Variants in SLC35F3 observed in about 807,000 individuals in gnomAD.
SLC35F3 encodes putative thiamine transporter SLC35F3.
In SLC35F3, 25 loss-of-function variants were observed where a neutral mutation model predicts 49.9. That is an observed-to-expected ratio of 0.50 (90% CI 0.37 to 0.70). The LOEUF (loss-of-function observed/expected upper bound fraction) is 0.70. SLC35F3 is among the 30% of genes least tolerant of loss of function. The probability of loss-of-function intolerance (pLI) is 0.00; values close to 1 mark genes in which losing one functional copy is unlikely to be tolerated. For missense variants in SLC35F3, 525 were observed against 639.8 expected (o/e 0.82, Z 1.94); for synonymous variants, 275 against 265.4 (o/e 1.04, Z -0.35).
At chr1:234,114,460 G>A (rs374176835) in intron 2 of SLC35F3, among the ~76,000 whole-genome samples, 1 of 152,150 alleles carries the variant, frequency 6.6e-6, no homozygotes, top group African/African-American at 2.4e-5. Context: ...TTTATGAAAG[G>A]TTCTATTTTA....
chr1:233,973,980 T>C (rs1340207045), intron 2 of SLC35F3, among the ~76,000 whole-genome samples: 1 of 152,164 alleles, frequency 6.6e-6, no homozygotes, highest in Non-Finnish European at 1.5e-5. Context: ...ACCTTCATAC[T>C]GATTTTTGAT....
chr1:234,098,486 G>A (rs1665161980), intron 2 of SLC35F3, among the ~76,000 whole-genome samples: 1 of 151,168 alleles, frequency 6.6e-6, no homozygotes. Context: ...GGTGGTGACT[G>A]TTGGTGGTGG....
At chr1:234,120,681 G>GAC (rs1665556997) in intron 2 of SLC35F3, among the ~76,000 whole-genome samples, 1 of 152,230 alleles carries the variant, frequency 6.6e-6, no homozygotes. Flanking sequence ...TGAAGCTCAA[G>GAC]ACAGCCCTTG....
In SLC35F3 at chr1:234,234,426, C is replaced by T. The variant is rs375589056; in HGVS notation, c.608+2685C>T. ...CAGCACAGAGCTCCGCAACCTGCAA[C>T]GCCCTGTGAGGCTCCCTGGGGTCTT... On this transcript the variant is annotated intron_variant, in intron 3 of 7. Transcript: ENST00000366618. 7.9e-5 allele frequency among the ~76,000 whole-genome samples: 12 copies of T among 152,328 alleles called. No individual in the cohort carries two copies. The South Asian group carries it at 2.1e-3, about 26-fold the overall frequency.
intron 2 of SLC35F3, among the ~76,000 whole-genome samples, chr1:233,968,268 C>T (rs1662932391): frequency 6.6e-6 from 1 of 152,106 alleles, no homozygotes; most frequent in South Asian, 2.1e-4. Context: ...CTTATAAGGA[C>T]ACAAATCATT....
chr1:234,294,836 T>C (rs905475597), intron 3 of SLC35F3, among the ~76,000 whole-genome samples: 1 of 152,012 alleles, frequency 6.6e-6, no homozygotes, highest in Admixed American at 6.6e-5. Context: ...ACAGTCATGA[T>C]AGAGCTCTGT....
intron 3 of SLC35F3, among the ~76,000 whole-genome samples, chr1:234,237,182 G>A (rs1489287507): frequency 3.3e-5 from 5 of 151,698 alleles, no homozygotes; most frequent in Non-Finnish European, 5.9e-5. Flanking sequence ...AGGATTCATG[G>A]TACTAATTAT....
intron 3 of SLC35F3, among the ~76,000 whole-genome samples, chr1:234,296,820 C>T (rs918413905): frequency 3.3e-5 from 5 of 152,230 alleles, no homozygotes; most frequent in African/African-American, 1.2e-4. Context: ...CTGTGCTTCT[C>T]CACGTTCCCT....
chr1:234,288,332 TG>T (rs1213962365), intron 3 of SLC35F3, among the ~76,000 whole-genome samples: 1 of 152,328 alleles, frequency 6.6e-6, no homozygotes. Flanking sequence ...GAAATTGACA[TG>T]GCTGAATTCA....
chr1:234,083,196 G>T (rs1484884255), intron 2 of SLC35F3, among the ~76,000 whole-genome samples: 3 of 152,156 alleles, frequency 2.0e-5, no homozygotes, highest in Admixed American at 6.5e-5. Flanking sequence ...AACTATACTG[G>T]CAGCTAACTC....
intron 2 of SLC35F3, among the ~76,000 whole-genome samples, chr1:233,953,387 G>C (rs1213049666): frequency 6.6e-6 from 1 of 152,158 alleles, no homozygotes; most frequent in Non-Finnish European, 1.5e-5. Context: ...TGATATTTTT[G>C]ATAAAATAAA....
intron 2 of SLC35F3, among the ~76,000 whole-genome samples, chr1:233,943,910 G>A (rs1662471631): frequency 6.6e-6 from 1 of 152,114 alleles, no homozygotes; most frequent in African/African-American, 2.4e-5. Flanking sequence ...TCCTTACATG[G>A]AAATTGAATA....
rs34510298 is a variant in SLC35F3 at position 234,099,607 on chromosome 1, T to TAA, written c.284-131791_284-131790dup. Among the ~76,000 whole-genome samples, 661 of 87,438 alleles carry TAA rather than the reference T, an allele frequency of 7.6e-3. 11 individuals are homozygous for TAA. The highest frequency in any genetic ancestry group is 0.017 in the African/African-American group (396 of 22,774). The allele number at this position is 87,438 out of a possible 152,430, so 57.4% of individuals were successfully genotyped here. ...CCTGGCAACAGAGCGAGACTCTGTC[T>TAA]AAAAAAAAAAAAAAAAAAAACAAAA... On this transcript the variant is annotated intron_variant, in intron 2 of 7. Transcript: ENST00000366618.
At position 234,183,775 on chromosome 1, in the gene SLC35F3, C is replaced by T. The variant is rs1381701516; in HGVS notation, c.284-47642C>T. Among the ~76,000 whole-genome samples, 2 of 142,750 alleles carry T rather than the reference C, an allele frequency of 1.4e-5. 1 individual carries two copies. The highest frequency in any genetic ancestry group is 4.9e-5 in the African/African-American group (2 of 41,136). The allele number at this position is 142,750 out of a possible 152,430, so 93.6% of individuals were successfully genotyped here. A position where few individuals can be genotyped will look rare whatever the true frequency, so the allele number is the denominator to read the frequency against. ...TAAATGTTCGTATCTCATTTTCATACGACTTCTGGTTCAAGTACAAAATAC... is the reference window on the plus strand; with the variant it reads ...TAAATGTTCGTATCTCATTTTCATATGACTTCTGGTTCAAGTACAAAATAC... On this transcript the variant is annotated intron_variant, in intron 2 of 7. Transcript: ENST00000366618.
chr1:233,962,484 C>A (rs2102812168), intron 2 of SLC35F3, among the ~76,000 whole-genome samples: 1 of 152,302 alleles, frequency 6.6e-6, no homozygotes, highest in South Asian at 2.1e-4. Flanking sequence ...CACTAATTGC[C>A]AGGCATGCAA....
chr1:234,292,105 C>T (rs1380091068), intron 3 of SLC35F3, among the ~76,000 whole-genome samples: 1 of 152,234 alleles, frequency 6.6e-6, no homozygotes, highest in Non-Finnish European at 1.5e-5. Context: ...ATTTGTAAGG[C>T]TTTGATGCAT....
chr1:234,220,118 C>A (rs542054116), intron 2 of SLC35F3, among the ~76,000 whole-genome samples: 1 of 151,898 alleles, frequency 6.6e-6, no homozygotes, highest in African/African-American at 2.4e-5. Context: ...AAACACCATC[C>A]GAAACTGAGA....
At position 234,323,182 on chromosome 1, in the gene SLC35F3, C is replaced by G; in HGVS notation, c.1412C>G (p.Ala471Gly). 1 of 1,614,142 alleles carries G rather than the reference C, an allele frequency of 6.2e-7. No homozygotes were observed. Among genetic ancestry groups the G allele is most frequent in the South Asian group, 1.1e-5 (1 of 91,078 alleles). ...RKKEEPAEGA[A>G]DLSSGPQSKN... ...AAGGAGGAGCCTGCAGAGGGCGCTG[C>G]CGACCTGAGCTCAGGACCTCAGAGC... The change falls in exon 8 of 8, where the codon GCC (alanine) becomes GGC (glycine). Residue 471 changes from alanine (A) to glycine (G), a missense_variant. This residue lies in a region of SLC35F3 where 76 missense variants were observed against 95.6 expected (regional missense o/e 0.80). Coordinates refer to ENST00000366618, the MANE Select transcript of SLC35F3 (RefSeq NM_173508.4). The surrounding 1 kb of genome is among the most constrained non-coding windows in gnomAD (Gnocchi z 4.5).
In SLC35F3 at chr1:234,323,131, T is replaced by G; in HGVS notation, c.1361T>G (p.Leu454Arg). 1 of 1,614,142 alleles carries G rather than the reference T, an allele frequency of 6.2e-7. No individual in the cohort carries two copies. The highest frequency in any genetic ancestry group is 1.1e-5 in the South Asian group (1 of 91,086). The part of the protein sequence containing the change: ...PEEWDVWLIK[L>R]LTRLKVRKKE... ...GAGTGGGATGTCTGGTTGATCAAGC[T>G]GCTCACCCGACTCAAAGTGAGGAAG... Residue 454 changes from leucine to arginine, a missense_variant, in exon 8 of 8, where the codon CTG becomes CGG. By Grantham distance (102) the Leu-to-Arg change is moderately radical. Transcript: ENST00000366618. The surrounding 1 kb of genome is among the most constrained non-coding windows in gnomAD (Gnocchi z 4.5).
Sources: allele counts gnomAD v4.1 joint callset (sites outside exome capture counted in the v4.1 genomes callset), GRCh38; gene constraint gnomAD v4.1.1; regional missense constraint gnomAD v4.1.1; non-coding constraint Gnocchi (gnomAD v3.1); transcripts MANE v1.5; gene names NCBI Gene and HGNC (gene_info 2026-07-23, HGNC 2026-07-21).